Variants in SH3RF3 observed in about 807,000 individuals in gnomAD.
The protein encoded by SH3RF3 is SH3 domain containing ring finger 3.
Under a neutral mutation model 66.3 loss-of-function variants are expected in SH3RF3, and 29 were observed. That is an observed-to-expected ratio of 0.44 (90% confidence interval 0.33 to 0.60). SH3RF3 has a LOEUF of 0.60. SH3RF3 is among the 20% of genes least tolerant of loss of function. The pLI, the probability that SH3RF3 is intolerant of heterozygous loss-of-function variation, is 0.04. For synonymous variants in SH3RF3, 583 were observed against 532.0 expected (o/e 1.10, Z -1.32); for missense variants, 1,194 against 1,190.9 (o/e 1.00, Z -0.04).
intron 3 of SH3RF3, among the ~76,000 whole-genome samples, chr2:109,392,365 T>A (rs1258934339): frequency 1.3e-5 from 2 of 152,132 alleles, no homozygotes; most frequent in Non-Finnish European, 1.5e-5. Flanking sequence ...TTGGAACAGG[T>A]CACTTAACCT....
At chr2:109,357,660 TCA>T (rs1645118353) in intron 2 of SH3RF3, among the ~76,000 whole-genome samples, 1 of 152,224 alleles carries the variant, frequency 6.6e-6, no homozygotes. Context: ...TTGTTTTCTC[TCA>T]GTTTTATATT....
chr2:109,484,152 T>C (rs1458608250), intron 8 of SH3RF3, among the ~76,000 whole-genome samples: 2 of 151,608 alleles, frequency 1.3e-5, no homozygotes, highest in Non-Finnish European at 2.9e-5. Context: ...CTGCAACCTC[T>C]GCCTTCTGGG....
Position 109,233,851 on chromosome 2 carries a change from C to T in SH3RF3, c.573+103738C>T, listed in dbSNP as rs147889758. Among the ~76,000 whole-genome samples the T allele has an allele frequency of 1.4e-3, 218 of 152,270 alleles. 1 individual carries two copies. The highest frequency in any genetic ancestry group is 4.3e-3 in the African/African-American group (180 of 41,556). ...TTCTCTCACTTATGTAGCACATTTG[C>T]GATTGGTCTGCATTGTTTTGTCTAT... On this transcript the variant is annotated intron_variant, in intron 1 of 9. Coordinates refer to ENST00000309415, the MANE Select transcript of SH3RF3 (RefSeq NM_001099289.3).
chr2:109,436,674 A>G (rs1253578449), intron 6 of SH3RF3, among the ~76,000 whole-genome samples: 2 of 152,222 alleles, frequency 1.3e-5, no homozygotes, highest in Non-Finnish European at 2.9e-5. Context: ...CGGCTTTGCT[A>G]TCTCTTAAAT....
At chr2:109,136,135 C>T (rs1029983607) in intron 1 of SH3RF3, among the ~76,000 whole-genome samples, 1 of 152,102 alleles carries the variant, frequency 6.6e-6, no homozygotes, top group African/African-American at 2.4e-5. Context: ...ATTCGGGGCT[C>T]AGTTTTGCAA....
intron 1 of SH3RF3, among the ~76,000 whole-genome samples, chr2:109,146,667 C>T (rs1042610786): frequency 3.3e-5 from 5 of 152,280 alleles, no homozygotes; most frequent in Admixed American, 1.3e-4. Flanking sequence ...CTGCTTTGGT[C>T]CCCAAAGTCA....
At chr2:109,335,070 G>A (rs1027611736) in intron 1 of SH3RF3, among the ~76,000 whole-genome samples, 1 of 152,234 alleles carries the variant, frequency 6.6e-6, no homozygotes, top group Non-Finnish European at 1.5e-5. Context: ...GTCTCTGCCT[G>A]GGATCATGGT....
intron 7 of SH3RF3, among the ~76,000 whole-genome samples, chr2:109,438,864 A>G (rs983230093): frequency 6.6e-6 from 1 of 152,170 alleles, no homozygotes; most frequent in Non-Finnish European, 1.5e-5. Context: ...GGGGAGCAAA[A>G]GTCCCAGGCC....
At chr2:109,273,906 T>C (rs924353042) in intron 1 of SH3RF3, among the ~76,000 whole-genome samples, 9 of 152,136 alleles carry the variant, frequency 5.9e-5, no homozygotes, top group African/African-American at 2.2e-4. Context: ...TGGGCTCTGG[T>C]GTGGTAGGAC....
intron 1 of SH3RF3, among the ~76,000 whole-genome samples, chr2:109,328,537 C>G (rs1327029183): frequency 6.6e-6 from 1 of 152,168 alleles, no homozygotes; most frequent in African/African-American, 2.4e-5. Flanking sequence ...AGAACACTTT[C>G]TAGGTGGGGC....
intron 2 of SH3RF3, among the ~76,000 whole-genome samples, chr2:109,364,463 A>G (rs1345332451): frequency 2.0e-5 from 3 of 152,176 alleles, no homozygotes; most frequent in Non-Finnish European, 4.4e-5. Context: ...TAGTTGCCAC[A>G]TCTCAATCTG....
At chr2:109,237,688 A>T (rs911515191) in intron 1 of SH3RF3, among the ~76,000 whole-genome samples, 3 of 152,208 alleles carry the variant, frequency 2.0e-5, no homozygotes, top group Non-Finnish European at 4.4e-5. Flanking sequence ...AGTGTGGCCC[A>T]GGGAAGACAA....
At chr2:109,406,298 C>T (rs984796033) in intron 4 of SH3RF3, among the ~76,000 whole-genome samples, 4 of 152,156 alleles carry the variant, frequency 2.6e-5, no homozygotes, top group African/African-American at 7.2e-5. Context: ...TGGATCAAAT[C>T]GGGAAATGAT....
At chr2:109,280,136 T>A (rs983715339) in intron 1 of SH3RF3, among the ~76,000 whole-genome samples, 1 of 152,190 alleles carries the variant, frequency 6.6e-6, no homozygotes, top group African/African-American at 2.4e-5. Flanking sequence ...CTTTTCTTGC[T>A]GCAATGCTGT....
At chr2:109,278,161 A>C (rs1680802598) in intron 1 of SH3RF3, among the ~76,000 whole-genome samples, 1 of 149,936 alleles carries the variant, frequency 6.7e-6, no homozygotes, top group African/African-American at 2.5e-5. Context: ...TGAGTGATAG[A>C]GCAAGACCCA....
intron 1 of SH3RF3, among the ~76,000 whole-genome samples, chr2:109,162,320 A>G (rs1677507746): frequency 6.6e-6 from 1 of 152,210 alleles, no homozygotes; most frequent in South Asian, 2.1e-4. Context: ...TACTGCGAGA[A>G]GTTGCTCTGA....
At chr2:109,259,764 T>C (rs1680307084) in intron 1 of SH3RF3, among the ~76,000 whole-genome samples, 1 of 152,184 alleles carries the variant, frequency 6.6e-6, no homozygotes, top group African/African-American at 2.4e-5. Context: ...CGTAGGTGCA[T>C]GTGGAGGGAG....
At chr2:109,153,187 G>A (rs1423000242) in intron 1 of SH3RF3, among the ~76,000 whole-genome samples, 5 of 152,168 alleles carry the variant, frequency 3.3e-5, no homozygotes, top group Admixed American at 2.0e-4. Flanking sequence ...GCACTGCAGC[G>A]TTCTGCTAAA....
chr2:109,262,999 G>GT (rs1680395753), intron 1 of SH3RF3, among the ~76,000 whole-genome samples: 1 of 149,096 alleles, frequency 6.7e-6, no homozygotes, highest in Non-Finnish European at 1.5e-5. Flanking sequence ...CACCTGGCTC[G>GT]TTTTTTGTAT....
Sources: gnomAD v4.1 joint callset for allele counts (sites outside exome capture counted in the v4.1 genomes callset) on GRCh38, gnomAD v4.1.1 for gene constraint, MANE v1.5 for transcripts, NCBI Gene and HGNC (gene_info 2026-07-23, HGNC 2026-07-21) for gene names.